Variants in MPP4 observed in about 807,000 individuals in gnomAD.
MPP4 encodes MAGUK p55 scaffold protein 4, also known as MAGUK p55 subfamily member 4.
Under a neutral mutation model 98.3 loss-of-function variants are expected in MPP4, and 91 were observed. The observed-to-expected ratio is 0.93, with a 90% CI of 0.78 to 1.10. The LOEUF is 1.10. Among genes scored for constraint, MPP4 ranks in the 50% least tolerant of loss-of-function variants. The probability of loss-of-function intolerance (pLI) is 0.00; values close to 1 mark genes in which losing one functional copy is unlikely to be tolerated. For synonymous variants in MPP4, 261 were observed against 271.8 expected (o/e 0.96, Z 0.39); for missense variants, 744 against 792.9 (o/e 0.94, Z 0.74).
chr2:201,652,184 T>C (rs4516414), intron 18 of MPP4: 90,751 of 174,124 alleles, frequency 0.52, 24,270 homozygotes, highest in East Asian at 0.68. Context: ...CCTGGCCGGG[T>C]GTGGTGGCTC....
Position 201,649,556 on chromosome 2 carries a change from A to G in MPP4, c.1584+20T>C. On this transcript the variant is annotated intron_variant, in intron 20 of 21. Transcript: ENST00000409474. ...ACGCATTCATTGTTTGGGGACATAA[A>G]TATTCCACCATGGACCCACCTGAGG... 6.4e-7 allele frequency: 1 copy of G among 1,556,164 alleles called. No individual in the cohort carries two copies.
chr2:201,658,508 C>T lies in MPP4; in HGVS notation c.1098G>A (p.Glu366=), dbSNP rs768017344. The T allele has an allele frequency of 6.2e-7, 1 of 1,613,112 alleles. No homozygotes were observed. The highest frequency in any genetic ancestry group is 8.5e-7 in the Non-Finnish European group (1 of 1,179,522). The stretch of plus-strand genomic sequence containing the variant: ...AGAACTTCTGACCGTAGCCAACAAA[C>T]TCCTCCTTGTCTGAAACACAAAGAA... ...ESEELSEDKE[E]FVGYGQKFFI... Residue 366 remains glutamate, a synonymous_variant, in exon 16 of 22, where the codon GAG becomes GAA. Coordinates refer to ENST00000409474, the MANE Select transcript of MPP4 (RefSeq NM_033066.3).
chr2:201,661,124 T>C (rs1435740391), intron 14 of MPP4, among the ~76,000 whole-genome samples: 2 of 152,124 alleles, frequency 1.3e-5, no homozygotes, highest in South Asian at 4.1e-4. Flanking sequence ...TTTCATCATG[T>C]TGGCCAGGCT....
chr2:201,653,180 G>T (rs1356518894), intron 18 of MPP4, among the ~76,000 whole-genome samples: 5 of 152,194 alleles, frequency 3.3e-5, no homozygotes, highest in Non-Finnish European at 5.9e-5. Context: ...AAGTCTAGCT[G>T]TGATGGACCC....
intron 4 of MPP4, 64 bp downstream of exon 4, chr2:201,690,138 A>G (rs1344894971): frequency 1.9e-6 from 2 of 1,054,520 alleles, no homozygotes; most frequent in East Asian, 2.5e-5. Flanking sequence ...CATTTGAACT[A>G]GCAATGTGGG....
intron 16 of MPP4, among the ~76,000 whole-genome samples, chr2:201,657,438 C>T (rs2105916688): frequency 6.6e-6 from 1 of 152,132 alleles, no homozygotes; most frequent in African/African-American, 2.4e-5. Context: ...AATACACATG[C>T]ACATTTCGAT....
chr2:201,684,605 C>T (rs761321210), intron 7 of MPP4, among the ~76,000 whole-genome samples: 3 of 152,174 alleles, frequency 2.0e-5, no homozygotes, highest in Non-Finnish European at 2.9e-5. Context: ...TCTTTCTTTA[C>T]TGCTTTATCC....
intron 19 of MPP4, 125 bp from the exon 20 acceptor site, chr2:201,649,809 G>C (rs1687667138): frequency 1.4e-6 from 1 of 718,024 alleles, no homozygotes; most frequent in South Asian, 1.8e-5. Flanking sequence ...CAGAAAGAAT[G>C]AATAGATATT....
At chr2:201,650,041 G>C in intron 19 of MPP4, 31 bp downstream of exon 19, 1 of 1,512,120 alleles carries the variant, frequency 6.6e-7, no homozygotes, top group East Asian at 2.4e-5. Flanking sequence ...ACAACAAGAG[G>C]TAAGAATCAG....
chr2:201,682,647 G>A lies in MPP4; in HGVS notation c.660+184C>T, dbSNP rs181081050. Among the ~76,000 whole-genome samples, 80 of 152,242 alleles carry A rather than the reference G, an allele frequency of 5.3e-4. No homozygotes were observed. In the East Asian group the frequency reaches 0.012, roughly 23 times the overall value. ...CCCAGCCAGGACCAGAACTTCTCGG[G>A]GTAGAGGAGGGAGGTCAGCAAGTGA... is the stretch of plus-strand genomic sequence containing the variant. On this transcript the variant is annotated intron_variant, in intron 8 of 21. Transcript: ENST00000409474.
rs1026011612 is a variant in MPP4, at chr2:201,645,067, T to G, written c.*143A>C. On this transcript the variant is annotated 3_prime_UTR_variant, in exon 22 of 22. Coordinates refer to ENST00000409474, the MANE Select transcript of MPP4 (RefSeq NM_033066.3). ...CACATAACCATACAATAAAAATTTT[T>G]TTCAAATAAGATTAATTAATAAATT... The G allele has an allele frequency of 8.0e-6, 6 of 748,500 alleles. No individual in the cohort carries two copies. Among genetic ancestry groups the G allele is most frequent in the Non-Finnish European group, 1.1e-5 (6 of 528,634 alleles). The allele number at this position is 748,500 out of a possible 1,614,324, so 46.4% of individuals were successfully genotyped here.
chr2:201,645,219 C>G lies in MPP4; in HGVS notation c.1905G>C (p.Glu635Asp). 1 of 1,612,214 alleles carries G rather than the reference C, an allele frequency of 6.2e-7. No homozygotes were observed. The highest frequency in any genetic ancestry group is 8.5e-7 in the Non-Finnish European group (1 of 1,179,156). Reference protein sequence around the residue: ...VPATWISSDTESQ With the variant: ...VPATWISSDTDSQ The stretch of plus-strand genomic sequence containing the variant: ...CATTAAACAAGAAGTCTCATTGAGA[C>G]TCAGTATCTGAGGAAATCCATGTTG... Residue 635 changes from glutamate to aspartate, a missense_variant, in exon 22 of 22, where the codon GAG (glutamate) becomes GAC (aspartate). Glu to Asp is a conservative substitution (Grantham distance 45). Coordinates refer to ENST00000409474, the MANE Select transcript of MPP4 (RefSeq NM_033066.3).
intron 1 of MPP4, among the ~76,000 whole-genome samples, chr2:201,696,241 A>C (rs59275226): frequency 3.1e-4 from 47 of 152,286 alleles, no homozygotes; most frequent in African/African-American, 1.1e-3. Flanking sequence ...TACCTTGCCC[A>C]CTTGTAATTG....
chr2:201,676,743 T>C (rs2105934249), intron 10 of MPP4, among the ~76,000 whole-genome samples: 1 of 152,096 alleles, frequency 6.6e-6, no homozygotes, highest in South Asian at 2.1e-4. Context: ...CTACTAAAAA[T>C]ACAAAAATTA....
At position 201,685,118 on chromosome 2, in the gene MPP4, T is replaced by A. The variant is rs201608840; in HGVS notation, c.520A>T (p.Thr174Ser). 50 of 1,611,864 alleles carry A rather than the reference T, an allele frequency of 3.1e-5. No individual in the cohort carries two copies. The African/African-American group carries it at 5.7e-4, about 18-fold the overall frequency. Residue 174 changes from threonine to serine, a missense_variant, in exon 7 of 22, where the codon ACA (threonine) becomes TCA (serine). Physicochemically the swap from Thr to Ser is moderately conservative, Grantham distance 58. Transcript: ENST00000409474. Reference protein sequence around the residue: ...LGATIKRHEMTGDILVARIIH... With the variant: ...LGATIKRHEMSGDILVARIIH... ...ATCCTGGCCACCAAGATGTCCCCTGTCATCTCGTGGCGCTTGATGGTGGCT... is the reference window on the plus strand; with the variant it reads ...ATCCTGGCCACCAAGATGTCCCCTGACATCTCGTGGCGCTTGATGGTGGCT...
At chr2:201,681,272 T>TCAAA (rs1688658451) in intron 9 of MPP4, among the ~76,000 whole-genome samples, 1 of 152,160 alleles carries the variant, frequency 6.6e-6, no homozygotes, top group Admixed American at 6.5e-5. Context: ...GCTCAAATGT[T>TCAAA]CATGATTTTT....
At chr2:201,661,109 C>T (rs1398434255) in intron 14 of MPP4, among the ~76,000 whole-genome samples, 4 of 151,750 alleles carry the variant, frequency 2.6e-5, no homozygotes, top group Middle Eastern at 3.2e-3. Flanking sequence ...TTAGTAGAGA[C>T]GGGGTTTCAT....
At chr2:201,684,678 G>T (rs966991153) in intron 7 of MPP4, among the ~76,000 whole-genome samples, 1 of 152,148 alleles carries the variant, frequency 6.6e-6, no homozygotes, top group Admixed American at 6.5e-5. Context: ...CAGGACGGGT[G>T]TGTGGCTCAC....
intron 10 of MPP4, among the ~76,000 whole-genome samples, chr2:201,675,503 G>C (rs910521823): frequency 2.0e-5 from 3 of 152,180 alleles, no homozygotes; most frequent in African/African-American, 7.2e-5. Context: ...GAACAACAAA[G>C]ACTTACAGTG....
Sources: gnomAD v4.1 joint callset for allele counts (sites outside exome capture counted in the v4.1 genomes callset) on GRCh38, gnomAD v4.1.1 for gene constraint, MANE v1.5 for transcripts, NCBI Gene and HGNC (gene_info 2026-07-23, HGNC 2026-07-21) for gene names.